PCDHGA4: variants seen among roughly 807,000 people sequenced by gnomAD.
The protein encoded by PCDHGA4 is protocadherin gamma subfamily A, 4, also known as protocadherin gamma-A4.
In PCDHGA4, 38 loss-of-function variants were observed where a neutral mutation model predicts 54.6. That is an observed-to-expected ratio of 0.70 (90% confidence interval 0.54 to 0.91). PCDHGA4 has a LOEUF of 0.91. PCDHGA4 is among the 40% of genes least tolerant of loss of function. The pLI, the probability that PCDHGA4 is intolerant of heterozygous loss-of-function variation, is 0.00. For synonymous variants in PCDHGA4, 511 were observed against 512.9 expected (o/e 1.00, Z 0.05); for missense variants, 1,298 against 1,220.9 (o/e 1.06, Z -0.94).
chr5:141,447,864 T>A (rs2098553913), intron 1 of PCDHGA4, among the ~76,000 whole-genome samples: 1 of 152,098 alleles, frequency 6.6e-6, no homozygotes, highest in Non-Finnish European at 1.5e-5. Context: ...GGTGGGTGAA[T>A]CATCTGAGGT....
At position 141,383,195 on chromosome 5, in the gene PCDHGA4, G is replaced by A. The variant is rs765730698; in HGVS notation, c.2514+25574G>A. On this transcript the variant is annotated intron_variant, in intron 1 of 3. Transcript: ENST00000571252. ...GACCGGGAAGAGATCTGCGCTCAGA[G>A]TGCGCGGTGTCTGGTAAACTTTAAC... 18 of 1,614,044 alleles carry A rather than the reference G, an allele frequency of 1.1e-5. No homozygotes were observed. Among genetic ancestry groups the A allele is most frequent in the Non-Finnish European group, 1.5e-5 (18 of 1,179,940 alleles).
intron 2 of PCDHGA4, among the ~76,000 whole-genome samples, chr5:141,496,353 C>T (rs761547879): frequency 4.6e-5 from 7 of 152,210 alleles, no homozygotes; most frequent in Non-Finnish European, 8.8e-5. Context: ...AGTCTCAGAG[C>T]CCAGGGAGAG....
chr5:141,357,157 CCT>C lies in PCDHGA4; in HGVS notation c.2056_2057del (p.Ser686GlyfsTer19). The C allele has an allele frequency of 6.2e-7, 1 of 1,613,660 alleles. No homozygotes were observed. The highest frequency in any genetic ancestry group is 1.1e-5 in the South Asian group (1 of 91,082). The part of the protein sequence containing the change: ...VVVVQDHGQP[P>X]LSATVTLTVA... ...GGTCGTCCAGGACCATGGCCAGCCCCCTCTCTCGGCCACCGTCACACTCACTG... is the reference window on the plus strand; with the variant it reads ...GGTCGTCCAGGACCATGGCCAGCCCCCTCTCGGCCACCGTCACACTCACTG... On this transcript the variant is annotated frameshift_variant, in exon 1 of 4. Transcript: ENST00000571252. LOFTEE classifies it high-confidence loss of function.
intron 1 of PCDHGA4, chr5:141,399,787 A>C (rs111395890): frequency 0.048 from 76,979 of 1,613,184 alleles, 1,998 homozygotes; most frequent in South Asian, 0.077. Flanking sequence ...CCGAAACGAC[A>C]ACGCACCGCG....
chr5:141,498,976 G>A (rs1311505059), intron 2 of PCDHGA4, among the ~76,000 whole-genome samples: 1 of 13,010 alleles, frequency 7.7e-5, no homozygotes, highest in Non-Finnish European at 2.3e-4. Context: ...AGGGAGGGAA[G>A]GAAGGAAGGA....
At chr5:141,391,345 G>C (rs1233916830) in intron 1 of PCDHGA4, 1 of 139,580 alleles carries the variant, frequency 7.2e-6, no homozygotes, top group Admixed American at 7.6e-5. Context: ...CAGAGTCTCT[G>C]TCTGTTACTC....
At position 141,432,459 on chromosome 5, in the gene PCDHGA4, T is replaced by A. The variant is rs1230209932; in HGVS notation, c.2515-62348T>A. The A allele has an allele frequency of 1.2e-6, 2 of 1,613,984 alleles. No homozygotes were observed. Among genetic ancestry groups the A allele is most frequent in the South Asian group, 1.1e-5 (1 of 91,082 alleles). ...GCGCCCGAGATCCTGTACCCCGCCCTCCCCACGGACGGTTCCACTGGCGTG... is the reference window on the plus strand; with the variant it reads ...GCGCCCGAGATCCTGTACCCCGCCCACCCCACGGACGGTTCCACTGGCGTG... On this transcript the variant is annotated intron_variant, in intron 1 of 3. Transcript: ENST00000571252. The surrounding 1 kb of genome is among the most constrained non-coding windows in gnomAD (Gnocchi z 6.0).
chr5:141,400,302 T>C (rs7701363), intron 1 of PCDHGA4: 17,655 of 1,614,082 alleles, frequency 0.011, 144 homozygotes, highest in Admixed American at 0.034. Flanking sequence ...GCTTCCAACC[T>C]GGTCTCTGTG....
chr5:141,403,026 AGGCCAG>A, intron 1 of PCDHGA4: 1 of 1,614,074 alleles, frequency 6.2e-7, no homozygotes, highest in Non-Finnish European at 8.5e-7. Context: ...ATGCTATGGG[AGGCCAG>A]GGCCAGTCAG....
At chr5:141,398,041 G>A in intron 1 of PCDHGA4, 3 of 1,492,894 alleles carry the variant, frequency 2.0e-6, no homozygotes, top group Non-Finnish European at 2.7e-6. Context: ...ACTAAAGCCC[G>A]TTCGGAGATC....
intron 1 of PCDHGA4, among the ~76,000 whole-genome samples, chr5:141,469,187 G>T (rs147209381): frequency 5.9e-5 from 9 of 151,588 alleles, no homozygotes; most frequent in African/African-American, 1.9e-4. Context: ...GAGGCAAGAG[G>T]ATTGCTTGAG....
chr5:141,389,274 C>A, intron 1 of PCDHGA4: 1 of 1,614,032 alleles, frequency 6.2e-7, no homozygotes, highest in Non-Finnish European at 8.5e-7. Flanking sequence ...CGAGAACAAC[C>A]CGCCTGGAGC....
At chr5:141,402,870 C>G in intron 1 of PCDHGA4, 1 of 1,449,300 alleles carries the variant, frequency 6.9e-7, no homozygotes, top group Non-Finnish European at 9.1e-7. Flanking sequence ...AAAAGATCAC[C>G]ATACTTTGCA....
At chr5:141,366,244 C>A in intron 1 of PCDHGA4, 1 of 1,613,770 alleles carries the variant, frequency 6.2e-7, no homozygotes, top group Non-Finnish European at 8.5e-7. Flanking sequence ...GAGACGCGCT[C>A]AAGCAGAGCC....
At chr5:141,388,685 G>A (rs2091454291) in intron 1 of PCDHGA4, 5 of 1,613,932 alleles carry the variant, frequency 3.1e-6, no homozygotes, top group East Asian at 2.2e-5. Flanking sequence ...TGACTGCCAC[G>A]GACCAGGATG....
intron 1 of PCDHGA4, chr5:141,390,162 A>G: frequency 6.2e-7 from 1 of 1,614,024 alleles, no homozygotes; most frequent in African/African-American, 1.3e-5. Context: ...TACAGGAAAG[A>G]CGGAGTTTAA....
At chr5:141,421,173 C>A in intron 1 of PCDHGA4, 2 of 1,377,172 alleles carry the variant, frequency 1.5e-6, no homozygotes, top group Non-Finnish European at 9.7e-7. Context: ...GATACATAAG[C>A]CGATTCACAA....
intron 1 of PCDHGA4, chr5:141,404,067 A>G (rs540954192): frequency 3.7e-6 from 6 of 1,613,894 alleles, no homozygotes; most frequent in South Asian, 2.2e-5. Context: ...TTCAATGCTC[A>G]TGACCGAGAC....
intron 1 of PCDHGA4, chr5:141,428,402 G>T (rs899477196): frequency 1.7e-5 from 8 of 479,776 alleles, no homozygotes; most frequent in African/African-American, 1.4e-4. Flanking sequence ...TCTGCCTGGG[G>T]TTGCTTTCAC....
Sources: gnomAD v4.1 joint callset for allele counts (sites outside exome capture counted in the v4.1 genomes callset) on GRCh38, gnomAD v4.1.1 for gene constraint, Gnocchi (gnomAD v3.1) non-coding constraint, MANE v1.5 for transcripts, NCBI Gene and HGNC (gene_info 2026-07-23, HGNC 2026-07-21) for gene names.